The following NFATC3 variants were observed in gnomAD, a reference collection of about 807,000 sequenced individuals.
The protein encoded by NFATC3 is nuclear factor of activated T cells 3, also known as nuclear factor of activated T-cells, cytoplasmic 3.
In NFATC3, 46 loss-of-function variants were observed where a neutral mutation model predicts 98.6. The observed-to-expected ratio is 0.47, with a 90% CI of 0.37 to 0.60. The LOEUF (loss-of-function observed/expected upper bound fraction) is 0.60. Among genes scored for constraint, NFATC3 ranks in the 20% least tolerant of loss-of-function variants. NFATC3 has a pLI of 0.00. For missense variants in NFATC3, 1,256 were observed against 1,295.5 expected (o/e 0.97, Z 0.47); for synonymous variants, 512 against 472.2 (o/e 1.08, Z -1.09).
intron 9 of NFATC3, among the ~76,000 whole-genome samples, chr16:68,193,888 G>A (rs923122017): frequency 6.6e-6 from 1 of 151,768 alleles, no homozygotes; most frequent in African/African-American, 2.4e-5. Context: ...TGTTTGTCAG[G>A]GAAGGATATG....
intron 1 of NFATC3, among the ~76,000 whole-genome samples, chr16:68,091,531 C>A (rs951167880): frequency 6.6e-6 from 1 of 152,014 alleles, no homozygotes; most frequent in East Asian, 1.9e-4. Context: ...AAAATGGGGA[C>A]CTTTTAAGAG....
chr16:68,115,209 C>T (rs1003731670), intron 1 of NFATC3, among the ~76,000 whole-genome samples: 27 of 151,774 alleles, frequency 1.8e-4, no homozygotes, highest in African/African-American at 5.1e-4. Context: ...GGATTACAAG[C>T]GCCTGCCACT....
intron 9 of NFATC3, among the ~76,000 whole-genome samples, chr16:68,205,216 A>C (rs1381250156): frequency 1.3e-5 from 2 of 152,106 alleles, no homozygotes; most frequent in Non-Finnish European, 2.9e-5. Flanking sequence ...TTTTATGTAG[A>C]ATGGGAATTT....
intron 9 of NFATC3, among the ~76,000 whole-genome samples, chr16:68,208,734 A>T (rs1225612407): frequency 6.6e-6 from 1 of 152,120 alleles, no homozygotes; most frequent in Non-Finnish European, 1.5e-5. Flanking sequence ...AAACCAAAAA[A>T]AAAAACCCCA....
intron 9 of NFATC3, among the ~76,000 whole-genome samples, chr16:68,198,152 T>G (rs2040751989): frequency 1.3e-5 from 2 of 152,006 alleles, no homozygotes. Flanking sequence ...AAACCCTGTC[T>G]GGAAAAATTA....
chr16:68,139,622 T>C (rs1025311983), intron 3 of NFATC3, among the ~76,000 whole-genome samples: 1 of 152,218 alleles, frequency 6.6e-6, no homozygotes, highest in African/African-American at 2.4e-5. Context: ...TTTTTTGAAA[T>C]GATGAGGGAA....
chr16:68,223,509 A>G (rs187952522), intron 9 of NFATC3, among the ~76,000 whole-genome samples: 5 of 152,332 alleles, frequency 3.3e-5, no homozygotes, highest in Admixed American at 3.3e-4. Flanking sequence ...TTGGAGGCTA[A>G]GGTGGGAGAA....
intron 9 of NFATC3, chr16:68,217,967 A>C: frequency 8.2e-7 from 1 of 1,212,912 alleles, no homozygotes; most frequent in Non-Finnish European, 1.0e-6. Flanking sequence ...AATTAAGATA[A>C]TTAGCAGCCT....
intron 8 of NFATC3, among the ~76,000 whole-genome samples, chr16:68,185,063 C>A (rs1384303603): frequency 6.6e-6 from 1 of 151,692 alleles, no homozygotes; most frequent in Admixed American, 6.6e-5. Flanking sequence ...CTCACTGCAA[C>A]CTCCGCCTCC....
At chr16:68,192,410 T>C (rs1161469846) in intron 9 of NFATC3, among the ~76,000 whole-genome samples, 1 of 150,710 alleles carries the variant, frequency 6.6e-6, no homozygotes, top group African/African-American at 2.4e-5. Flanking sequence ...ACCACTAATA[T>C]CTGTTGCTGA....
At chr16:68,114,132 A>T (rs1686314185) in intron 1 of NFATC3, among the ~76,000 whole-genome samples, 1 of 152,138 alleles carries the variant, frequency 6.6e-6, no homozygotes, top group Admixed American at 6.5e-5. Context: ...CTGTGGAAAA[A>T]GTCTGGTTTC....
At position 68,123,083 on chromosome 16, in the gene NFATC3, C is replaced by G. The variant is rs762802144; in HGVS notation, c.1200C>G (p.Thr400=). The G allele has an allele frequency of 1.2e-5, 19 of 1,606,522 alleles. No homozygotes were observed. The Admixed American group carries it at 1.5e-4, about 13-fold the overall frequency. The change falls in exon 2 of 10, where the codon ACC becomes ACG. Residue 400 remains threonine, a synonymous_variant. Coordinates refer to ENST00000346183, the MANE Select transcript of NFATC3 (RefSeq NM_173165.3). The stretch of plus-strand genomic sequence containing the variant: ...TTCTTTCAGTTCCTTCACCCTTTAC[C>G]TGGAGCAAACCAAAGCCTGGCCACA... ...DQFLSVPSPF[T]WSKPKPGHTP... is the part of the protein sequence containing the mutation.
chr16:68,126,762 T>C, intron 3 of NFATC3, 152 bp downstream of exon 3: 1 of 613,840 alleles, frequency 1.6e-6, no homozygotes, highest in Non-Finnish European at 2.7e-6. Context: ...TGACTACACT[T>C]GTGCATTGAG....
At position 68,203,708 on chromosome 16, in the gene NFATC3, C is replaced by T. The variant is rs1473956059; in HGVS notation, c.3106+11933C>T. On this transcript the variant is annotated intron_variant, in intron 9 of 9. Coordinates refer to ENST00000346183, the MANE Select transcript of NFATC3 (RefSeq NM_173165.3). ...AGTCCAAGAGAGGCTACCACTAAAG[C>T]AGCATATCAGAAGTCTTCAAACTAA... Among the ~76,000 whole-genome samples the T allele has an allele frequency of 2.0e-5, 3 of 152,060 alleles. No homozygotes were observed. In the East Asian group the frequency reaches 5.8e-4, roughly 29 times the overall value.
Position 68,122,021 on chromosome 16 carries a change from C to T in NFATC3, c.138C>T (p.Ile46=). Residue 46 remains isoleucine (I), a synonymous_variant, in exon 2 of 10, where the codon ATC becomes ATT. Transcript: ENST00000346183. The part of the protein sequence containing the change: ...LEPDDCASIY[I]FNVDPPPSTL... ...CAGATGATTGTGCATCCATTTACAT[C>T]TTTAATGTAGATCCACCTCCATCTA... 6.2e-7 allele frequency: 1 copy of T among 1,611,974 alleles called. No individual in the cohort carries two copies. Among genetic ancestry groups the T allele is most frequent in the Non-Finnish European group, 8.5e-7 (1 of 1,179,562 alleles).
chr16:68,166,195 CA>C (rs769216126), intron 4 of NFATC3, among the ~76,000 whole-genome samples: 2 of 152,150 alleles, frequency 1.3e-5, no homozygotes, highest in Non-Finnish European at 2.9e-5. Context: ...TCTAACACTC[CA>C]AAAATTTAAT....
intron 1 of NFATC3, among the ~76,000 whole-genome samples, chr16:68,106,669 G>A (rs1386748763): frequency 1.3e-5 from 2 of 151,642 alleles, no homozygotes; most frequent in African/African-American, 4.8e-5. Flanking sequence ...CAGGTGATCT[G>A]TCCACCTCAG....
intron 1 of NFATC3, among the ~76,000 whole-genome samples, chr16:68,107,620 G>T (rs1223628709): frequency 6.6e-6 from 1 of 152,088 alleles, no homozygotes; most frequent in Non-Finnish European, 1.5e-5. Context: ...CTACTTGGGA[G>T]GCTGAGACAG....
chr16:68,185,319 C>A (rs536624091), intron 8 of NFATC3, among the ~76,000 whole-genome samples: 1 of 151,916 alleles, frequency 6.6e-6, no homozygotes, highest in Non-Finnish European at 1.5e-5. Context: ...GTTTTTCATA[C>A]CCCTTGGTAA....
Sources: gnomAD v4.1 joint callset for allele counts (sites outside exome capture counted in the v4.1 genomes callset) on GRCh38, gnomAD v4.1.1 for gene constraint, MANE v1.5 for transcripts, NCBI Gene and HGNC (gene_info 2026-07-23, HGNC 2026-07-21) for gene names.